Variants in CELF2 observed in about 807,000 individuals in gnomAD.
CELF2 encodes CUGBP Elav-like family member 2.
Under a neutral mutation model 62.6 loss-of-function variants are expected in CELF2, and 8 were observed. The observed-to-expected ratio is 0.13, with a 90% CI of 0.07 to 0.23. The LOEUF is 0.23. CELF2 is among the 10% of genes least tolerant of loss of function. CELF2 has a pLI of 1.00. For missense variants in CELF2, 333 were observed against 671.0 expected (o/e 0.50, Z 5.56); for synonymous variants, 258 against 250.0 (o/e 1.03, Z -0.30).
chr10:10,648,333 A>T, the CELF2 span, among the ~76,000 whole-genome samples: 1 of 152,132 alleles, frequency 6.6e-6, no homozygotes, highest in Admixed American at 6.5e-5. Flanking sequence ...TCCTTTCATC[A>T]TGTCTGTCTG....
At chr10:10,550,698 T>C in the CELF2 span, among the ~76,000 whole-genome samples, 1 of 151,734 alleles carries the variant, frequency 6.6e-6, no homozygotes, top group East Asian at 1.9e-4. Context: ...TGTCATGTGA[T>C]GTCTTTTTTT....
Position 10,935,889 on chromosome 10 carries a change from C to T in CELF2, c.89+15890C>T, listed in dbSNP as rs796117418. Reference sequence around the variant, plus strand: ...AAAGAAATAATAAATTCTTGGATCACGCCTGAAATCCCAACACTTTGGGAG... The same window carrying T: ...AAAGAAATAATAAATTCTTGGATCATGCCTGAAATCCCAACACTTTGGGAG... On this transcript the variant is annotated intron_variant, in intron 2 of 13. Transcript: ENST00000636488. 1.2e-4 allele frequency among the ~76,000 whole-genome samples: 18 copies of T among 152,022 alleles called. No individual in the cohort carries two copies. In the South Asian group the frequency reaches 1.2e-3, roughly 11 times the overall value.
In CELF2 at chr10:11,217,797, T is replaced by C. The variant is rs139735132; in HGVS notation, c.354+290T>C. ...CCAAAGAGTATTGGGTGGGCTAAGA[T>C]TTTAAAAGGAAAAAAAAACCCAACA... On this transcript the variant is annotated intron_variant, in intron 3 of 12. Transcript: ENST00000633077. This position sits in a 1 kb window ranked among gnomAD's most constrained non-coding sequence, Gnocchi z 5.6. Among the ~76,000 whole-genome samples, 1,875 of 152,164 alleles carry C rather than the reference T, an allele frequency of 0.012. 41 individuals carry two copies. Among genetic ancestry groups the C allele is most frequent in the African/African-American group, 0.043 (1,774 of 41,488 alleles).
At chr10:10,556,207 A>G in the CELF2 span, among the ~76,000 whole-genome samples, 1 of 149,926 alleles carries the variant, frequency 6.7e-6, no homozygotes, top group Non-Finnish European at 1.5e-5. Context: ...CACAGTCCCC[A>G]GAGTGTGATA....
At chr10:10,783,529 A>G in the CELF2 span, among the ~76,000 whole-genome samples, 1 of 152,224 alleles carries the variant, frequency 6.6e-6, no homozygotes, top group Non-Finnish European at 1.5e-5. Context: ...AGTATGAGAC[A>G]ATAAAATTCT....
the CELF2 span, among the ~76,000 whole-genome samples, chr10:10,718,350 G>A: frequency 1.2e-4 from 19 of 152,134 alleles, no homozygotes; most frequent in African/African-American, 3.6e-4. Context: ...TTGGCCAGGC[G>A]CGGTGGCTCA....
intron 1 of CELF2, among the ~76,000 whole-genome samples, chr10:11,019,971 G>A (rs1270013921): frequency 6.6e-6 from 1 of 152,336 alleles, no homozygotes; most frequent in East Asian, 1.9e-4. Flanking sequence ...CCATAATATA[G>A]CTAAGCTGAT....
rs555772462 is a variant in CELF2 at position 11,305,972 on chromosome 10, G to A, written c.977-8167G>A. On this transcript the variant is annotated intron_variant, in intron 9 of 12. Coordinates refer to ENST00000633077, the MANE Select transcript of CELF2 (RefSeq NM_001326342.2). The surrounding 1 kb of genome is among the most constrained non-coding windows in gnomAD (Gnocchi z 4.8). Reference sequence around the variant, plus strand: ...AAGGCCACAGACTTTGTCTGCACATGAGCTGATAAAACCATGGCCATCCTT... The same window carrying A: ...AAGGCCACAGACTTTGTCTGCACATAAGCTGATAAAACCATGGCCATCCTT... Among the ~76,000 whole-genome samples, 1 of 152,186 alleles carries A rather than the reference G, an allele frequency of 6.6e-6. No homozygotes were observed. Among genetic ancestry groups the A allele is most frequent in the South Asian group, 2.1e-4 (1 of 4,832 alleles).
chr10:10,793,189 G>C, the CELF2 span, among the ~76,000 whole-genome samples: 2 of 152,004 alleles, frequency 1.3e-5, no homozygotes, highest in African/African-American at 4.8e-5. Context: ...CTAAGTCATC[G>C]ATGAAGGACC....
chr10:10,778,355 C>G, the CELF2 span, among the ~76,000 whole-genome samples: 7 of 152,156 alleles, frequency 4.6e-5, no homozygotes, highest in Admixed American at 2.6e-4. Flanking sequence ...TACACAGAGT[C>G]CTACATCCAG....
At chr10:11,152,217 G>GA (rs1438203267) in intron 1 of CELF2, among the ~76,000 whole-genome samples, 1 of 152,208 alleles carries the variant, frequency 6.6e-6, no homozygotes, top group Non-Finnish European at 1.5e-5. Flanking sequence ...ACATATTCAT[G>GA]TAGTCACTGC....
intron 1 of CELF2, among the ~76,000 whole-genome samples, chr10:11,150,866 TG>T (rs1225502304): frequency 6.6e-6 from 1 of 152,238 alleles, no homozygotes; most frequent in African/African-American, 2.4e-5. Flanking sequence ...ATTTTAACAC[TG>T]AAGAACTACA....
At chr10:10,943,587 C>T (rs993108725) in intron 2 of CELF2, among the ~76,000 whole-genome samples, 1 of 152,082 alleles carries the variant, frequency 6.6e-6, no homozygotes, top group South Asian at 2.1e-4. Context: ...CCAAACATTG[C>T]TCTTTTCTGT....
intron 3 of CELF2, among the ~76,000 whole-genome samples, chr10:11,245,744 TG>T: frequency 6.6e-6 from 1 of 152,292 alleles, no homozygotes; most frequent in Admixed American, 6.5e-5. Flanking sequence ...CTACAGGAGT[TG>T]GGGGGAAGGG....
intron 1 of CELF2, among the ~76,000 whole-genome samples, chr10:11,037,552 T>A (rs2061156744): frequency 6.6e-6 from 1 of 152,046 alleles, no homozygotes; most frequent in Admixed American, 6.6e-5. Context: ...GATAGTGGAG[T>A]CTATCTGCTT....
At chr10:10,800,537 G>C (rs2054557381) in intron 1 of CELF2, among the ~76,000 whole-genome samples, 1 of 152,094 alleles carries the variant, frequency 6.6e-6, no homozygotes. Context: ...ATTTTTAGTA[G>C]AGACAGAGTT....
chr10:10,558,917 TA>T, the CELF2 span, among the ~76,000 whole-genome samples: 1 of 152,206 alleles, frequency 6.6e-6, no homozygotes, highest in Admixed American at 6.5e-5. Context: ...CAGACTGTGC[TA>T]AAATTATAAA....
At chr10:10,828,850 G>A (rs1166168708) in intron 1 of CELF2, among the ~76,000 whole-genome samples, 1 of 152,208 alleles carries the variant, frequency 6.6e-6, no homozygotes, top group East Asian at 1.9e-4. Context: ...AGCAATGGAT[G>A]AAGGAATGCA....
the CELF2 span, among the ~76,000 whole-genome samples, chr10:10,649,090 G>A: frequency 0.02 from 3,057 of 152,216 alleles, 198 homozygotes; most frequent in Admixed American, 0.13. Context: ...CTTTTGAAAC[G>A]GGCACTGGTC....
Sources: allele counts gnomAD v4.1 joint callset (sites outside exome capture counted in the v4.1 genomes callset), GRCh38; gene constraint gnomAD v4.1.1; non-coding constraint Gnocchi (gnomAD v3.1); transcripts MANE v1.5; gene names NCBI Gene and HGNC (gene_info 2026-07-23, HGNC 2026-07-21).